The following AFF3 variants were observed in gnomAD, a reference collection of about 807,000 sequenced individuals.
AFF3 encodes the protein ALF transcription elongation factor 3, also known as AF4/FMR2 family member 3.
In AFF3, 32 loss-of-function variants were observed where a neutral mutation model predicts 129.7. That is an observed-to-expected ratio of 0.25 (90% CI 0.19 to 0.33). The LOEUF (loss-of-function observed/expected upper bound fraction) is 0.33, where lower values mean the gene tolerates loss of function less well. AFF3 is among the 10% of genes least tolerant of loss of function. AFF3 has a pLI of 1.00. For synonymous variants in AFF3, 644 were observed against 635.4 expected (o/e 1.01, Z -0.20); for missense variants, 1,373 against 1,592.0 (o/e 0.86, Z 2.34).
chr2:99,938,960 A>T (rs1426372776), intron 7 of AFF3, among the ~76,000 whole-genome samples: 2 of 152,170 alleles, frequency 1.3e-5, no homozygotes, highest in Non-Finnish European at 2.9e-5. Context: ...CAACCAGGTC[A>T]TTACTCGCTC....
chr2:99,954,789 T>C (rs918107688), intron 7 of AFF3, among the ~76,000 whole-genome samples: 3 of 134,824 alleles, frequency 2.2e-5, no homozygotes, highest in Admixed American at 1.5e-4. Flanking sequence ...GGGGGAGGGA[T>C]AGCTTTAGGA....
intron 11 of AFF3, among the ~76,000 whole-genome samples, chr2:99,713,425 C>T (rs1026036071): frequency 6.6e-5 from 10 of 150,760 alleles, no homozygotes; most frequent in African/African-American, 1.9e-4. Flanking sequence ...CGTGCCACCA[C>T]GCTCAGCTAA....
intron 8 of AFF3, among the ~76,000 whole-genome samples, chr2:99,795,650 T>A (rs1685509900): frequency 6.6e-6 from 1 of 151,948 alleles, no homozygotes; most frequent in Non-Finnish European, 1.5e-5. Context: ...TAGGCTCTCA[T>A]TACTTCCCCT....
chr2:100,034,756 T>C (rs1043199458), intron 4 of AFF3, among the ~76,000 whole-genome samples: 5 of 152,170 alleles, frequency 3.3e-5, no homozygotes, highest in African/African-American at 1.2e-4. Flanking sequence ...AATACCAAGG[T>C]AGAAAGCAAC....
At chr2:99,587,324 G>A in intron 15 of AFF3, 46 bp from the exon 16 acceptor site, 2 of 1,608,074 alleles carry the variant, frequency 1.2e-6, no homozygotes, top group African/African-American at 1.3e-5. Flanking sequence ...ATTTCAAGAG[G>A]TATTATGAGT....
At chr2:100,037,756 T>C (rs909161481) in intron 4 of AFF3, among the ~76,000 whole-genome samples, 2 of 133,134 alleles carry the variant, frequency 1.5e-5, no homozygotes, top group Non-Finnish European at 3.1e-5. Context: ...ATATATATTA[T>C]TAAATATAAT....
intron 20 of AFF3, among the ~76,000 whole-genome samples, chr2:99,563,397 A>G (rs1675663788): frequency 6.6e-6 from 1 of 151,504 alleles, no homozygotes; most frequent in Non-Finnish European, 1.5e-5. Flanking sequence ...TCATCGTATT[A>G]GCCAGGATGG....
intron 4 of AFF3, among the ~76,000 whole-genome samples, chr2:100,096,194 A>T (rs1382183419): frequency 1.3e-5 from 2 of 151,984 alleles, no homozygotes; most frequent in Non-Finnish European, 2.9e-5. Flanking sequence ...CCACAAATCC[A>T]AAAGTGTCTG....
At chr2:99,881,827 T>C (rs1692741974) in intron 7 of AFF3, among the ~76,000 whole-genome samples, 1 of 152,234 alleles carries the variant, frequency 6.6e-6, no homozygotes, top group African/African-American at 2.4e-5. Flanking sequence ...AAGAAGGTCA[T>C]GAGCCAAATT....
intron 7 of AFF3, among the ~76,000 whole-genome samples, chr2:99,954,813 C>T (rs1189068568): frequency 6.7e-6 from 1 of 149,396 alleles, no homozygotes; most frequent in Admixed American, 6.7e-5. Flanking sequence ...ATACCTAAAG[C>T]TAAATGACGA....
rs562842736 is a variant in AFF3, at chr2:99,762,953, CTT to C, written c.922-10654_922-10653del. Among the ~76,000 whole-genome samples, 4 of 152,368 alleles carry C rather than the reference CTT, an allele frequency of 2.6e-5. No individual in the cohort carries two copies. In the South Asian group the frequency reaches 8.3e-4, roughly 32 times the overall value. On this transcript the variant is annotated intron_variant, in intron 8 of 24. Transcript: ENST00000672756. ...CACGTATTATTCGTGTTATGACACT[CTT>C]ATCAGATAAGTGCTGCCAACAACAG...
At chr2:99,657,572 T>C (rs1284548781) in intron 12 of AFF3, among the ~76,000 whole-genome samples, 1 of 152,226 alleles carries the variant, frequency 6.6e-6, no homozygotes, top group African/African-American at 2.4e-5. Context: ...AATACTACTG[T>C]TTGCCACGAT....
chr2:99,723,605 C>G (rs1679100075), intron 11 of AFF3, among the ~76,000 whole-genome samples: 1 of 152,138 alleles, frequency 6.6e-6, no homozygotes, highest in Admixed American at 6.5e-5. Flanking sequence ...TCATGTTTTA[C>G]TTAGGCTGTC....
At position 100,105,519 on chromosome 2, in the gene AFF3, A is replaced by C. The variant is rs1343266350; in HGVS notation, c.-80T>G. ...TATTTCTCACCGGGAAGGGGGACAA[A>C]CTGGCCTCTGGGTGTCGACTTCAAA... On this transcript the variant is annotated 5_prime_UTR_variant, in exon 3 of 25. Transcript: ENST00000672756. The C allele has an allele frequency of 6.0e-5, 80 of 1,330,984 alleles. No individual in the cohort carries two copies. Among genetic ancestry groups the C allele is most frequent in the Non-Finnish European group, 7.8e-5 (78 of 1,004,594 alleles). 82.4% of individuals were successfully genotyped at this position (1,330,984 alleles called of 1,614,324 possible).
At chr2:99,583,558 AT>A (rs1288434559) in intron 16 of AFF3, among the ~76,000 whole-genome samples, 3 of 151,894 alleles carry the variant, frequency 2.0e-5, no homozygotes, top group African/African-American at 7.3e-5. Flanking sequence ...AATTTTTCAT[AT>A]TTTTTGTAGA....
chr2:100,088,083 C>T (rs533629192), intron 4 of AFF3, among the ~76,000 whole-genome samples: 6 of 145,422 alleles, frequency 4.1e-5, no homozygotes, highest in Admixed American at 1.4e-4. Context: ...CAGTGAATGA[C>T]AAAGCTTTCC....
chr2:99,551,082 T>G lies in AFF3; in HGVS notation c.*392A>C. 1 of 420,136 alleles carries G rather than the reference T, an allele frequency of 2.4e-6. No individual in the cohort carries two copies. Among genetic ancestry groups the G allele is most frequent in the Non-Finnish European group, 4.2e-6 (1 of 237,590 alleles). The allele number at this position is 420,136 out of a possible 1,614,324, so 26.0% of individuals were successfully genotyped here. A position where few individuals can be genotyped will look rare whatever the true frequency, so the allele number is the denominator to read the frequency against. ...CTAACCCATGAGATTTTGGTTGAAT[T>G]TTCTAAGAAGTCACGGTTTAGCACT... On this transcript the variant is annotated 3_prime_UTR_variant, in exon 25 of 25. Transcript: ENST00000672756.
chr2:99,948,463 A>T (rs1675841238), intron 7 of AFF3, among the ~76,000 whole-genome samples: 1 of 152,230 alleles, frequency 6.6e-6, no homozygotes, highest in African/African-American at 2.4e-5. Flanking sequence ...ATATGCAAAT[A>T]GCATGAATAA....
intron 7 of AFF3, among the ~76,000 whole-genome samples, chr2:99,919,102 C>T (rs777202698): frequency 1.2e-4 from 19 of 152,018 alleles, no homozygotes; most frequent in Non-Finnish European, 2.5e-4. Context: ...TAATTCCCCC[C>T]GGTAGTAGTA....
Sources: allele counts gnomAD v4.1 joint callset (sites outside exome capture counted in the v4.1 genomes callset), GRCh38; gene constraint gnomAD v4.1.1; transcripts MANE v1.5; gene names NCBI Gene and HGNC (gene_info 2026-07-23, HGNC 2026-07-21).